Variants in ADGRA2 observed in about 807,000 individuals in gnomAD.
The protein encoded by ADGRA2 is adhesion G protein-coupled receptor A2.
In ADGRA2, 61 loss-of-function variants were observed where a neutral mutation model predicts 98.7. That is an observed-to-expected ratio of 0.62 (90% confidence interval 0.50 to 0.76). The LOEUF is 0.76. Ranked by LOEUF, ADGRA2 falls within the 30% of genes least tolerant of loss-of-function variation. The pLI, the probability that ADGRA2 is intolerant of heterozygous loss-of-function variation, is 0.00. For synonymous variants in ADGRA2, 858 were observed against 831.5 expected, an observed-to-expected ratio of 1.03 and a Z score of -0.55; for missense variants, 1,712 against 1,860.0, an observed-to-expected ratio of 0.92 and a Z score of 1.46.
chr8:37,838,271 T>TTTTTTTTG (rs1805678531), intron 14 of ADGRA2, among the ~76,000 whole-genome samples: 1 of 101,682 alleles, frequency 9.8e-6, no homozygotes, highest in African/African-American at 3.7e-5. Flanking sequence ...TTTTTTTTTT[T>TTTTTTTTG]AGACGGAGTC....
At chr8:37,838,863 C>A in intron 14 of ADGRA2, 93 bp from the exon 15 acceptor site, 11 of 1,449,956 alleles carry the variant, frequency 7.6e-6, no homozygotes, top group Non-Finnish European at 1.0e-5. Flanking sequence ...AAGTGCAGGA[C>A]CAAGGCTGAC....
intron 4 of ADGRA2, 64 bp from the exon 5 acceptor site, chr8:37,829,424 G>C: frequency 6.5e-7 from 1 of 1,530,856 alleles, no homozygotes; most frequent in Non-Finnish European, 9.1e-7. Flanking sequence ...CATCCCACCT[G>C]CTCTCCTCCG....
In ADGRA2 at chr8:37,836,095, ACACC is replaced by A. The variant is rs1192504329; in HGVS notation, c.2050+327_2050+330del. Reference sequence around the variant, plus strand: ...CACACACACACACACACACACACACACACCCCACAGGCCCAATGCAGACAAGTAA... The same window carrying A: ...CACACACACACACACACACACACACACCACAGGCCCAATGCAGACAAGTAA... On this transcript the variant is annotated intron_variant, in intron 13 of 18. Coordinates refer to ENST00000412232, the MANE Select transcript of ADGRA2 (RefSeq NM_032777.10). Among the ~76,000 whole-genome samples, 52 of 109,340 alleles carry A rather than the reference ACACC, an allele frequency of 4.8e-4. 2 individuals carry two copies. The allele number at this position is 109,340 out of a possible 152,430, so 71.7% of individuals were successfully genotyped here.
chr8:37,833,727 C>A lies in ADGRA2; in HGVS notation c.1336C>A (p.Gln446Lys). Residue 446 changes from glutamine (Q) to lysine (K), a missense_variant, in exon 10 of 19, where the codon CAG (glutamine) becomes AAG (lysine). Physicochemically the swap from Gln to Lys is moderately conservative, Grantham distance 53 (BLOSUM62 1). Transcript: ENST00000412232. ...CTCCAATGCGCTGACCCTGGCTCAC[C>A]AGCTGCGCGTGTACACAGCCGAGGC... Reference protein sequence around the residue: ...NASNALTLAHQLRVYTAEAAS... With the variant: ...NASNALTLAHKLRVYTAEAAS... 1 of 1,614,210 alleles carries A rather than the reference C, an allele frequency of 6.2e-7. No individual in the cohort carries two copies. The highest frequency in any genetic ancestry group is 8.5e-7 in the Non-Finnish European group (1 of 1,180,018).
intron 2 of ADGRA2, among the ~76,000 whole-genome samples, chr8:37,825,845 G>A (rs890218115): frequency 7.2e-5 from 11 of 152,282 alleles, no homozygotes; most frequent in East Asian, 3.9e-4. Flanking sequence ...CCAGGGAGCC[G>A]AGACAGGCCA....
intron 2 of ADGRA2, among the ~76,000 whole-genome samples, chr8:37,821,738 C>G (rs747561378): frequency 6.6e-6 from 1 of 152,212 alleles, no homozygotes; most frequent in Non-Finnish European, 1.5e-5. Flanking sequence ...GGAGCCCGGT[C>G]AGCCCCGGGA....
chr8:37,807,074 C>T (rs1001385140), intron 1 of ADGRA2, among the ~76,000 whole-genome samples: 12 of 152,196 alleles, frequency 7.9e-5, no homozygotes, highest in Admixed American at 4.6e-4. Context: ...GCCCAGCTTC[C>T]AGGCTGGGTT....
chr8:37,839,611 G>A lies in ADGRA2; in HGVS notation c.2500G>A (p.Val834Ile), dbSNP rs371352921. 17 of 1,613,948 alleles carry A rather than the reference G, an allele frequency of 1.1e-5. No homozygotes were observed. Among genetic ancestry groups the A allele is most frequent in the Admixed American group, 1.7e-5 (1 of 59,990 alleles). The change falls in exon 16 of 19, where the codon GTC becomes ATC. Residue 834 changes from valine (V) to isoleucine (I), a missense_variant. Transcript: ENST00000412232. ...GGITLTNYQM[V>I]CQAVGITLHY... ...CATCACACTCACCAACTACCAGATG[G>A]TCTGCCAGGCGGTAAGCAGGAGAAG... is the stretch of plus-strand genomic sequence containing the variant.
Position 37,814,943 on chromosome 8 carries a change from T to C in ADGRA2, c.314T>C (p.Leu105Pro). 1.2e-6 allele frequency: 2 copies of C among 1,612,530 alleles called. No individual in the cohort carries two copies. The highest frequency in any genetic ancestry group is 1.7e-6 in the Non-Finnish European group (2 of 1,178,542). ...ACGGGGCTCCGCAATGGCTCCTTCC[T>C]GGGACTGTCACTGCTGGAGAAGCTG... ...KITGLRNGSF[L>P]GLSLLEKLDL... is the part of the protein sequence containing the mutation. Residue 105 changes from leucine (L) to proline (P), a missense_variant, in exon 2 of 19, where the codon CTG (leucine) becomes CCG (proline). By Grantham distance (98) the Leu-to-Pro change is moderately conservative (BLOSUM62 -3). Transcript: ENST00000412232. This position sits in a 1 kb window ranked among gnomAD's most constrained non-coding sequence, Gnocchi z 4.3.
rs1386728524 is a variant in ADGRA2 at position 37,834,784 on chromosome 8, C to T, written c.1609-390C>T. ...GCATGCGCCTGTGGTCCCAGCTACT[C>T]GGGAGGCCAAGGTGGGAGGATCACT... On this transcript the variant is annotated intron_variant, in intron 11 of 18. Coordinates refer to ENST00000412232, the MANE Select transcript of ADGRA2 (RefSeq NM_032777.10). The surrounding 1 kb of genome is among the most constrained non-coding windows in gnomAD (Gnocchi z 4.2). Among the ~76,000 whole-genome samples the T allele has an allele frequency of 3.3e-5, 5 of 152,002 alleles. No individual in the cohort carries two copies. The highest frequency in any genetic ancestry group is 4.8e-5 in the African/African-American group (2 of 41,368).
chr8:37,805,493 T>C (rs1023176674), intron 1 of ADGRA2, among the ~76,000 whole-genome samples: 1 of 152,160 alleles, frequency 6.6e-6, no homozygotes, highest in African/African-American at 2.4e-5. Flanking sequence ...TCTCAGCTAC[T>C]CTGCAGGCTG....
At position 37,842,363 on chromosome 8, in the gene ADGRA2, C is replaced by A; in HGVS notation, c.*8C>A. 6.9e-7 allele frequency: 1 copy of A among 1,457,570 alleles called. No homozygotes were observed. The highest frequency in any genetic ancestry group is 9.0e-7 in the Non-Finnish European group (1 of 1,107,126). The allele number at this position is 1,457,570 out of a possible 1,614,324, so 90.3% of individuals were successfully genotyped here. ...AGCGAAACTACCGTCTAAGGTGGGG[C>A]GGGCGACGCGGTAGACGGGCTGGCC... On this transcript the variant is annotated 3_prime_UTR_variant, in exon 19 of 19. Coordinates refer to ENST00000412232, the MANE Select transcript of ADGRA2 (RefSeq NM_032777.10).
At chr8:37,815,090 G>A (rs573714834) in intron 2 of ADGRA2, 123 bp downstream of exon 2, 32 of 739,036 alleles carry the variant, frequency 4.3e-5, no homozygotes, top group South Asian at 1.1e-4. Flanking sequence ...AGCAGGGCCC[G>A]GAGTTAGACC....
rs769900818 is a variant in ADGRA2, at chr8:37,835,536, GCTC to G, written c.1834-15_1834-13del. On this transcript the variant is annotated splice_polypyrimidine_tract_variant and intron_variant, in intron 12 of 18. Transcript: ENST00000412232. ...TAGGGGGTCCTGGTGTCTCTGAGGA[GCTC>G]CTATGTCCCCCCAGAACAGCGTGGC... 99 of 1,563,212 alleles carry G rather than the reference GCTC, an allele frequency of 6.3e-5. No individual in the cohort carries two copies. In the Middle Eastern group the frequency reaches 1.2e-3, roughly 18 times the overall value.
At chr8:37,829,165 C>G in intron 3 of ADGRA2, 96 bp from the exon 4 acceptor site, 1 of 989,672 alleles carries the variant, frequency 1.0e-6, no homozygotes. Flanking sequence ...CATCCCACCC[C>G]CCAACACAAG....
chr8:37,842,461 C>T lies in ADGRA2; in HGVS notation c.*106C>T. The T allele has an allele frequency of 1.5e-6, 2 of 1,370,332 alleles. No individual in the cohort carries two copies. The highest frequency in any genetic ancestry group is 1.9e-6 in the Non-Finnish European group (2 of 1,061,174). The allele number at this position is 1,370,332 out of a possible 1,614,324, so 84.9% of individuals were successfully genotyped here. The stretch of plus-strand genomic sequence containing the variant: ...AGTCAGCAGGTTGGAGGCAGAGGAG[C>T]CGATGGCTGGAGGAAGCCCACAGGC... On this transcript the variant is annotated 3_prime_UTR_variant, in exon 19 of 19. Coordinates refer to ENST00000412232, the MANE Select transcript of ADGRA2 (RefSeq NM_032777.10).
At position 37,817,372 on chromosome 8, in the gene ADGRA2, G is replaced by C. The variant is rs565603336; in HGVS notation, c.338+2405G>C. Among the ~76,000 whole-genome samples the C allele has an allele frequency of 2.6e-5, 4 of 152,170 alleles. No homozygotes were observed. The South Asian group carries it at 8.3e-4, about 32-fold the overall frequency. On this transcript the variant is annotated intron_variant, in intron 2 of 18. Transcript: ENST00000412232. ...GTCTGCTCTGTGGCTCACAGACAGAGTGGTCCTGATGCACAGGAAGGGCTG... is the reference window on the plus strand; with the variant it reads ...GTCTGCTCTGTGGCTCACAGACAGACTGGTCCTGATGCACAGGAAGGGCTG...
In ADGRA2 at chr8:37,841,714, G is replaced by T; in HGVS notation, c.3376G>T (p.Gly1126Cys). 1.3e-6 allele frequency: 2 copies of T among 1,542,030 alleles called. No homozygotes were observed. The highest frequency in any genetic ancestry group is 4.9e-5 in the East Asian group (2 of 40,490). The change falls in exon 19 of 19, where the codon GGC becomes TGC. Residue 1126 changes from glycine to cysteine, a missense_variant. Transcript: ENST00000412232. The surrounding 1 kb of genome is among the most constrained non-coding windows in gnomAD (Gnocchi z 5.0). ...SLKSSPSGSS[G>C]HPLALGPCKL... Reference sequence around the variant, plus strand: ...CAAGTCCTCCCCAAGCGGCAGCAGCGGCCATCCGCTGGCTCTGGGCCCCTG... The same window carrying T: ...CAAGTCCTCCCCAAGCGGCAGCAGCTGCCATCCGCTGGCTCTGGGCCCCTG...
chr8:37,826,007 G>A (rs1300166294), intron 2 of ADGRA2, among the ~76,000 whole-genome samples: 1 of 152,196 alleles, frequency 6.6e-6, no homozygotes, highest in African/African-American at 2.4e-5. Context: ...GAAATCGAGG[G>A]CAGGAAGAGG....
Sources: allele counts gnomAD v4.1 joint callset (sites outside exome capture counted in the v4.1 genomes callset), GRCh38; gene constraint gnomAD v4.1.1; non-coding constraint Gnocchi (gnomAD v3.1); transcripts MANE v1.5; gene names NCBI Gene and HGNC (gene_info 2026-07-23, HGNC 2026-07-21).